The following ZDHHC18 variants were observed in gnomAD, a reference collection of about 807,000 sequenced individuals.
ZDHHC18 encodes the protein zDHHC palmitoyltransferase 18, also known as palmitoyltransferase ZDHHC18.
In ZDHHC18, 23 loss-of-function variants were observed where a neutral mutation model predicts 37.5. The ratio of observed to expected loss-of-function variants is 0.61; its 90% confidence interval spans 0.44 to 0.87. The LOEUF (loss-of-function observed/expected upper bound fraction) is 0.87. Ranked by LOEUF, ZDHHC18 falls within the 40% of genes least tolerant of loss-of-function variation. The probability of loss-of-function intolerance (pLI) is 0.00; values close to 1 mark genes in which losing one functional copy is unlikely to be tolerated. For synonymous variants in ZDHHC18, 185 were observed against 218.7 expected, an observed-to-expected ratio of 0.85 and a Z score of 1.36; for missense variants, 406 against 525.6, an observed-to-expected ratio of 0.77 and a Z score of 2.22.
chr1:26,853,904 C>A lies in ZDHHC18; in HGVS notation c.*61C>A. The A allele has an allele frequency of 2.8e-6, 4 of 1,440,006 alleles. No homozygotes were observed. In the South Asian group the frequency reaches 3.4e-5, roughly 12 times the overall value. 89.2% of individuals were successfully genotyped at this position (1,440,006 alleles called of 1,614,324 possible). Reference sequence around the variant, plus strand: ...GACCCTCCGCACTCACCTGCCGGGACCCTCCCTATTCCATCCAAGGGAAGC... The same window carrying A: ...GACCCTCCGCACTCACCTGCCGGGAACCTCCCTATTCCATCCAAGGGAAGC... On this transcript the variant is annotated 3_prime_UTR_variant, in exon 8 of 8. Transcript: ENST00000374142.
intron 6 of ZDHHC18, 35 bp from the exon 7 acceptor site, chr1:26,852,718 G>A (rs2081711764): frequency 6.3e-7 from 1 of 1,589,976 alleles, no homozygotes; most frequent in Non-Finnish European, 8.6e-7. Context: ...GAAGCAAAAG[G>A]AGGTACTTGA....
chr1:26,848,315 GAA>G (rs35673760), intron 2 of ZDHHC18, among the ~76,000 whole-genome samples: 1 of 139,088 alleles, frequency 7.2e-6, no homozygotes, highest in Non-Finnish European at 1.6e-5. Context: ...TCTGCCTCAG[GAA>G]AAAAAAAAAA....
Position 26,826,994 on chromosome 1 carries a change from C to T in ZDHHC18, c.190C>T (p.Arg64Cys). 8.1e-7 allele frequency: 1 copy of T among 1,229,772 alleles called. No individual in the cohort carries two copies. Among genetic ancestry groups the T allele is most frequent in the Non-Finnish European group, 1.0e-6 (1 of 986,754 alleles). The allele number at this position is 1,229,772 out of a possible 1,614,324, so 76.2% of individuals were successfully genotyped here. ...CGGCAGCGGGAGCGGGAGCCTCGGC[C>T]GCCGCCCACGGCGCAAGTGGGAGGT... ...GSGSGSGSLGRRPRRKWEVFP... is the reference protein window; with the variant it reads ...GSGSGSGSLGCRPRRKWEVFP... The change falls in exon 1 of 8, where the codon CGC (arginine) becomes TGC (cysteine). Residue 64 changes from arginine to cysteine, a missense_variant. Transcript: ENST00000374142. The surrounding 1 kb of genome is among the most constrained non-coding windows in gnomAD (Gnocchi z 5.2).
At chr1:26,836,291 C>T (rs931150438) in intron 2 of ZDHHC18, among the ~76,000 whole-genome samples, 4 of 152,194 alleles carry the variant, frequency 2.6e-5, no homozygotes, top group Admixed American at 6.5e-5. Flanking sequence ...GTCTCCAGGA[C>T]GTCTCTGCCC....
chr1:26,846,551 G>C (rs1382573824), intron 2 of ZDHHC18, among the ~76,000 whole-genome samples: 1 of 150,816 alleles, frequency 6.6e-6, no homozygotes, highest in African/African-American at 2.4e-5. Flanking sequence ...ATGGTCTCCT[G>C]ACCTCATGAT....
At position 26,852,824 on chromosome 1, in the gene ZDHHC18, C is replaced by T. The variant is rs1169474919; in HGVS notation, c.1008C>T (p.Ile336=). The stretch of plus-strand genomic sequence containing the variant: ...ACCCCTACAGCCATAAAAGTATTAT[C>T]ACCAACTGCTGTGCTGTGCTCTGTG... ...SVNPYSHKSI[I]TNCCAVLCGP... Residue 336 remains isoleucine (I), a synonymous_variant, in exon 7 of 8, where the codon ATC becomes ATT. Coordinates refer to ENST00000374142, the MANE Select transcript of ZDHHC18 (RefSeq NM_032283.3). The T allele has an allele frequency of 6.2e-7, 1 of 1,614,094 alleles. No homozygotes were observed. The highest frequency in any genetic ancestry group is 1.7e-4 in the Middle Eastern group (1 of 6,060).
chr1:26,835,071 T>G (rs887255522), intron 2 of ZDHHC18, among the ~76,000 whole-genome samples: 2 of 152,158 alleles, frequency 1.3e-5, no homozygotes, highest in African/African-American at 4.8e-5. Flanking sequence ...TGGGTGGAAT[T>G]CAAGCACAGG....
In ZDHHC18 at chr1:26,850,479, G is replaced by T; in HGVS notation, c.784+41G>T. ...GGGCAGTGGGGAGTGGAAGGGGTCA[G>T]CCAGCAAGCTCAAGGGTCAGCAAGC... On this transcript the variant is annotated intron_variant, in intron 4 of 7. Coordinates refer to ENST00000374142, the MANE Select transcript of ZDHHC18 (RefSeq NM_032283.3). This position sits in a 1 kb window ranked among gnomAD's most constrained non-coding sequence, Gnocchi z 6.1. The T allele has an allele frequency of 6.2e-7, 1 of 1,614,232 alleles. No individual in the cohort carries two copies. The highest frequency in any genetic ancestry group is 8.5e-7 in the Non-Finnish European group (1 of 1,180,020).
At chr1:26,851,362 G>T in intron 6 of ZDHHC18, 131 bp downstream of exon 6, 1 of 822,852 alleles carries the variant, frequency 1.2e-6, no homozygotes, top group Non-Finnish European at 2.0e-6. Flanking sequence ...TAAGCAGCCA[G>T]ATGCCTCCCA....
intron 2 of ZDHHC18, among the ~76,000 whole-genome samples, chr1:26,842,006 G>A (rs1402562879): frequency 6.6e-6 from 1 of 151,964 alleles, no homozygotes; most frequent in Non-Finnish European, 1.5e-5. Context: ...ATGGTTGCGG[G>A]CACCTGTAAT....
In ZDHHC18 at chr1:26,856,689, A is replaced by G. The variant is rs909127; in HGVS notation, c.*2846A>G. 0.013 allele frequency: 2,023 copies of G among 154,230 alleles called. 39 individuals are homozygous for G. The highest frequency in any genetic ancestry group is 0.046 in the African/African-American group (1,911 of 41,506). The allele number at this position is 154,230 out of a possible 1,614,324, so 9.6% of individuals were successfully genotyped here. A position where few individuals can be genotyped will look rare whatever the true frequency, so the allele number is the denominator to read the frequency against. ...ACCCGCCCGTTTTCTCTCCTGCTTC[A>G]TTGCCTGCTGCCTAAGCCTTGGCCC... On this transcript the variant is annotated 3_prime_UTR_variant, in exon 8 of 8. Coordinates refer to ENST00000374142, the MANE Select transcript of ZDHHC18 (RefSeq NM_032283.3). This position sits in a 1 kb window ranked among gnomAD's most constrained non-coding sequence, Gnocchi z 5.2.
At position 26,851,192 on chromosome 1, in the gene ZDHHC18, C is replaced by T. The variant is rs760567201; in HGVS notation, c.897C>T (p.His299=). ...IWSILGLSGF[H]TYLVASNLTT... ...CCATTCTGGGCCTCTCAGGGTTTCA[C>T]ACGTACCTCGTCGCCTCCAACCTGA... The change falls in exon 6 of 8, where the codon CAC becomes CAT. Residue 299 remains histidine, a synonymous_variant. Transcript: ENST00000374142. 1.9e-6 allele frequency: 3 copies of T among 1,614,102 alleles called. No homozygotes were observed. Among genetic ancestry groups the T allele is most frequent in the Non-Finnish European group, 1.7e-6 (2 of 1,180,034 alleles).
At position 26,832,957 on chromosome 1, in the gene ZDHHC18, A is replaced by G. The variant is rs145971862; in HGVS notation, c.496+350A>G. On this transcript the variant is annotated intron_variant, in intron 2 of 7. Coordinates refer to ENST00000374142, the MANE Select transcript of ZDHHC18 (RefSeq NM_032283.3). ...TGTTGTCATTCTCCTTTTACTGATT[A>G]ATTAAATCAAGGCAAAAGAGGGTCC... Among the ~76,000 whole-genome samples, 17 of 152,362 alleles carry G rather than the reference A, an allele frequency of 1.1e-4. No homozygotes were observed. In the East Asian group the frequency reaches 3.3e-3, roughly 29 times the overall value.
chr1:26,850,719 C>T lies in ZDHHC18; in HGVS notation c.833+113C>T. On this transcript the variant is annotated intron_variant, in intron 5 of 7. Transcript: ENST00000374142. The surrounding 1 kb of genome is among the most constrained non-coding windows in gnomAD (Gnocchi z 6.1). ...GAACAGCGTACAGCTCACATGTGTC[C>T]TCCAGAATCCAACATGCCAGCTCTT... The T allele has an allele frequency of 6.4e-6, 8 of 1,243,276 alleles. No homozygotes were observed. Among genetic ancestry groups the T allele is most frequent in the East Asian group, 2.5e-5 (1 of 39,946 alleles). The allele number at this position is 1,243,276 out of a possible 1,614,324, so 77.0% of individuals were successfully genotyped here.
At chr1:26,836,243 C>T (rs939952181) in intron 2 of ZDHHC18, among the ~76,000 whole-genome samples, 4 of 152,206 alleles carry the variant, frequency 2.6e-5, no homozygotes, top group Non-Finnish European at 5.9e-5. Context: ...GCGTCTCTCT[C>T]CACTGCCATA....
chr1:26,828,717 G>A (rs141697695), intron 1 of ZDHHC18, among the ~76,000 whole-genome samples: 154 of 151,670 alleles, frequency 1.0e-3, no homozygotes, highest in African/African-American at 3.6e-3. Flanking sequence ...TTTTGAGTAG[G>A]GTGGATAAAA....
chr1:26,838,225 C>A (rs551991649), intron 2 of ZDHHC18, among the ~76,000 whole-genome samples: 2 of 152,108 alleles, frequency 1.3e-5, no homozygotes, highest in East Asian at 1.9e-4. Flanking sequence ...AAACTCCCGA[C>A]CTCCGGTGAT....
rs540037802 is a variant in ZDHHC18 at position 26,849,669 on chromosome 1, G to C, written c.647-632G>C. The stretch of plus-strand genomic sequence containing the variant: ...CTCCACCCCCGGGGACAGTGTGCAG[G>C]TGAGCTCAGCCCTTTGACCTGGCCT... On this transcript the variant is annotated intron_variant, in intron 3 of 7. Transcript: ENST00000374142. 4.6e-5 allele frequency among the ~76,000 whole-genome samples: 7 copies of C among 152,366 alleles called. No homozygotes were observed. In the East Asian group the frequency reaches 1.3e-3, roughly 29 times the overall value.
rs140826960 is a variant in ZDHHC18 at position 26,856,329 on chromosome 1, G to A, written c.*2486G>A. 2.5e-4 allele frequency: 100 copies of A among 396,082 alleles called. No individual in the cohort carries two copies. The East Asian group carries it at 7.0e-3, about 28-fold the overall frequency. The allele number at this position is 396,082 out of a possible 1,614,324, so 24.5% of individuals were successfully genotyped here. On this transcript the variant is annotated 3_prime_UTR_variant, in exon 8 of 8. Transcript: ENST00000374142. The surrounding 1 kb of genome is among the most constrained non-coding windows in gnomAD (Gnocchi z 5.2). The stretch of plus-strand genomic sequence containing the variant: ...CCTCACACACCATCTCATCCTCATC[G>A]CATGCCTCGCCAACCCCATGGAGCC...
Sources: allele counts gnomAD v4.1 joint callset (sites outside exome capture counted in the v4.1 genomes callset), GRCh38; gene constraint gnomAD v4.1.1; non-coding constraint Gnocchi (gnomAD v3.1); transcripts MANE v1.5; gene names NCBI Gene and HGNC (gene_info 2026-07-23, HGNC 2026-07-21).